The following ROCK2 variants were observed in gnomAD, a reference collection of about 807,000 sequenced individuals.
ROCK2 encodes rho-associated protein kinase 2.
ROCK2 carries 61 observed loss-of-function variants against 195.1 expected under a neutral mutation model. The ratio of observed to expected loss-of-function variants is 0.31; its 90% CI spans 0.25 to 0.39. The LOEUF (loss-of-function observed/expected upper bound fraction) is 0.39. Ranked by LOEUF, ROCK2 falls within the 10% of genes least tolerant of loss-of-function variation. ROCK2 has a pLI of 1.00. For missense variants in ROCK2, 1,109 were observed against 1,637.4 expected, an observed-to-expected ratio of 0.68 and a Z score of 5.57; for synonymous variants, 504 against 545.5, an observed-to-expected ratio of 0.92 and a Z score of 1.06.
At chr2:11,184,258 A>C (rs765616284) in intron 32 of ROCK2, among the ~76,000 whole-genome samples, 4 of 152,224 alleles carry the variant, frequency 2.6e-5, no homozygotes, top group Non-Finnish European at 4.4e-5. Context: ...AATTCTTGCA[A>C]GTTGGAAATA....
chr2:11,312,455 C>T (rs1406381858), intron 1 of ROCK2, among the ~76,000 whole-genome samples: 1 of 152,048 alleles, frequency 6.6e-6, no homozygotes, highest in African/African-American at 2.4e-5. Flanking sequence ...TCAAAAGCCC[C>T]CACTTTCTCC....
chr2:11,181,191 TA>T lies in ROCK2; in HGVS notation c.*2245del, dbSNP rs1173825150. The T allele has an allele frequency of 7.4e-6, 1 of 134,864 alleles. No homozygotes were observed. Among genetic ancestry groups the T allele is most frequent in the Non-Finnish European group, 1.7e-5 (1 of 58,808 alleles). The allele number at this position is 134,864 out of a possible 1,614,324, so 8.4% of individuals were successfully genotyped here. ...ATAAAGTTTATTAAAAATATATATA[TA>T]TATATATATATATATATACTCTCCA... is the stretch of plus-strand genomic sequence containing the variant. On this transcript the variant is annotated 3_prime_UTR_variant, in exon 33 of 33. Transcript: ENST00000315872.
intron 3 of ROCK2, among the ~76,000 whole-genome samples, chr2:11,258,712 G>A (rs184856386): frequency 6.6e-6 from 1 of 151,234 alleles, no homozygotes; most frequent in East Asian, 1.9e-4. Context: ...TGTTAGTCAC[G>A]GGTTAAGGAG....
At chr2:11,240,332 C>G (rs146249376) in intron 4 of ROCK2, among the ~76,000 whole-genome samples, 4 of 152,322 alleles carry the variant, frequency 2.6e-5, no homozygotes, top group Non-Finnish European at 5.9e-5. Flanking sequence ...TCCTATCACT[C>G]AGGAAATTCC....
At chr2:11,307,182 T>C (rs1227682877) in intron 1 of ROCK2, among the ~76,000 whole-genome samples, 2 of 152,256 alleles carry the variant, frequency 1.3e-5, no homozygotes, top group Admixed American at 6.5e-5. Context: ...GATGATCTTA[T>C]GGTTTCTACA....
intron 5 of ROCK2, among the ~76,000 whole-genome samples, chr2:11,229,093 T>G (rs1405451730): frequency 6.6e-6 from 1 of 152,106 alleles, no homozygotes; most frequent in Non-Finnish European, 1.5e-5. Flanking sequence ...GCAGAATAAA[T>G]ACTTGGGTAG....
At chr2:11,194,865 G>A in intron 28 of ROCK2, 90 bp downstream of exon 28, 1 of 579,456 alleles carries the variant, frequency 1.7e-6, no homozygotes. Context: ...AAAGGTACCA[G>A]TCATGTATAT....
intron 1 of ROCK2, among the ~76,000 whole-genome samples, chr2:11,330,136 T>A (rs1022370990): frequency 6.6e-6 from 1 of 152,218 alleles, no homozygotes; most frequent in South Asian, 2.1e-4. Context: ...CATAACACTC[T>A]TCTAAAAATA....
At chr2:11,254,370 C>T (rs748884941) in intron 3 of ROCK2, among the ~76,000 whole-genome samples, 4 of 152,066 alleles carry the variant, frequency 2.6e-5, no homozygotes, top group Non-Finnish European at 5.9e-5. Context: ...GTTGAGGAGG[C>T]AGAGATCAGA....
intron 1 of ROCK2, among the ~76,000 whole-genome samples, chr2:11,342,622 T>C (rs1257387383): frequency 1.3e-5 from 2 of 152,208 alleles, no homozygotes; most frequent in Admixed American, 6.5e-5. Context: ...GTGAAAATGC[T>C]GGGAGTGCAG....
Position 11,211,767 on chromosome 2 carries a change from GCTT to G in ROCK2, c.2114_2116del (p.Glu705del). On this transcript the variant is annotated inframe_deletion, in exon 18 of 33. Transcript: ENST00000315872. ...TCGTGCCTTTGTGGCCTTATGTTCA[GCTT>G]CTTCTTGTTCTAGGCTCTGCTGTAT... is the stretch of plus-strand genomic sequence containing the variant. 2.5e-6 allele frequency: 4 copies of G among 1,613,498 alleles called. No homozygotes were observed. The highest frequency in any genetic ancestry group is 3.4e-6 in the Non-Finnish European group (4 of 1,179,726).
At chr2:11,229,630 AAAAAC>A (rs1380340963) in intron 5 of ROCK2, among the ~76,000 whole-genome samples, 1 of 152,066 alleles carries the variant, frequency 6.6e-6, no homozygotes, top group African/African-American at 2.4e-5. Flanking sequence ...CACAAAAAAA[AAAAAC>A]AAGAAATGAA....
At chr2:11,318,105 T>A (rs1380723628) in intron 1 of ROCK2, among the ~76,000 whole-genome samples, 4 of 152,186 alleles carry the variant, frequency 2.6e-5, no homozygotes, top group African/African-American at 9.7e-5. Flanking sequence ...CAGCATGATG[T>A]ATAATCCTTT....
chr2:11,283,058 G>A (rs1667061391), intron 3 of ROCK2, among the ~76,000 whole-genome samples: 1 of 151,920 alleles, frequency 6.6e-6, no homozygotes, highest in Non-Finnish European at 1.5e-5. Flanking sequence ...CCTGAGGTCA[G>A]GAGTTTGAGA....
At chr2:11,246,681 A>G (rs1439237418) in intron 4 of ROCK2, among the ~76,000 whole-genome samples, 1 of 152,186 alleles carries the variant, frequency 6.6e-6, no homozygotes, top group African/African-American at 2.4e-5. Context: ...GCTAATTTAT[A>G]TTAACAAAAA....
chr2:11,185,499 C>T (rs901267012), intron 32 of ROCK2, among the ~76,000 whole-genome samples: 1 of 152,136 alleles, frequency 6.6e-6, no homozygotes, highest in African/African-American at 2.4e-5. Context: ...GAGGCTGAGG[C>T]GGGCAGATCA....
chr2:11,324,692 T>G (rs2148253639), intron 1 of ROCK2, among the ~76,000 whole-genome samples: 1 of 152,352 alleles, frequency 6.6e-6, no homozygotes, highest in East Asian at 1.9e-4. Flanking sequence ...AAGAACTTGT[T>G]ATTTTCATGG....
intron 5 of ROCK2, among the ~76,000 whole-genome samples, chr2:11,231,811 T>C (rs1250182145): frequency 6.6e-6 from 1 of 152,230 alleles, no homozygotes; most frequent in Non-Finnish European, 1.5e-5. Context: ...CAAATCATTT[T>C]AGTCCTTGTA....
chr2:11,278,295 A>G (rs1666893631), intron 3 of ROCK2, among the ~76,000 whole-genome samples: 3 of 152,208 alleles, frequency 2.0e-5, no homozygotes, highest in East Asian at 1.9e-4. Flanking sequence ...GATTCCACAT[A>G]TAAGTGATAT....
Sources: allele counts gnomAD v4.1 joint callset (sites outside exome capture counted in the v4.1 genomes callset), GRCh38; gene constraint gnomAD v4.1.1; transcripts MANE v1.5; gene names NCBI Gene and HGNC (gene_info 2026-07-23, HGNC 2026-07-21).